WFDC10B: variants seen among roughly 807,000 people sequenced by gnomAD.
The protein encoded by WFDC10B is WAP four-disulfide core domain 10B.
WFDC10B carries 1 observed loss-of-function variant against 2.7 expected under a neutral mutation model. That is an observed-to-expected ratio of 0.38 (90% CI 0.13 to 1.79). WFDC10B has a LOEUF of 1.79. WFDC10B is among the 40% of genes most tolerant of loss of function. The pLI is 0.33. For synonymous variants in WFDC10B, 26 were observed against 32.2 expected, an observed-to-expected ratio of 0.81 and a Z score of 0.65; for missense variants, 71 against 87.8, an observed-to-expected ratio of 0.81 and a Z score of 0.76.
intron 2 of WFDC10B, among the ~76,000 whole-genome samples, chr20:45,701,395 T>G (rs1006463965): frequency 9.2e-5 from 14 of 152,202 alleles, no homozygotes; most frequent in Non-Finnish European, 1.9e-4. Context: ...GAAAGTTAAC[T>G]TCTCTACATT....
At chr20:45,702,181 G>A (rs1490403647) in intron 2 of WFDC10B, 3 of 1,613,172 alleles carry the variant, frequency 1.9e-6, no homozygotes, top group Middle Eastern at 1.6e-4. Context: ...ACTGCAGCTG[G>A]TGCCTGGGAG....
intron 2 of WFDC10B, among the ~76,000 whole-genome samples, chr20:45,686,771 G>T (rs972336630): frequency 6.6e-6 from 1 of 151,214 alleles, no homozygotes; most frequent in Non-Finnish European, 1.5e-5. Context: ...CAAGCAATTC[G>T]CACCTCAGCC....
At chr20:45,703,588 G>A (rs1038048125) in intron 2 of WFDC10B, among the ~76,000 whole-genome samples, 2 of 152,136 alleles carry the variant, frequency 1.3e-5, no homozygotes, top group African/African-American at 4.8e-5. Flanking sequence ...ACCTGGAAGG[G>A]CTTGGGGAAA....
Position 45,685,953 on chromosome 20 carries a change from C to T in WFDC10B, c.40G>A (p.Val14Met). 1 of 1,614,182 alleles carries T rather than the reference C, an allele frequency of 6.2e-7. No individual in the cohort carries two copies. The highest frequency in any genetic ancestry group is 8.5e-7 in the Non-Finnish European group (1 of 1,180,034). The change falls in exon 3 of 4, where the codon GTG becomes ATG. Residue 14 changes from valine (V) to methionine (M), a missense_variant. Coordinates refer to ENST00000330523, the MANE Select transcript of WFDC10B (RefSeq NM_172006.2). The stretch of plus-strand genomic sequence containing the variant: ...CCTCCCTGGGCCTGCAGCAGCAGCA[C>T]ACAGAGAACCAGGACAAGCAGCAGA... Reference protein sequence around the residue: ...QTLLLVLVLCVLLLQAQGGYR... With the variant: ...QTLLLVLVLCMLLLQAQGGYR...
chr20:45,687,502 A>T (rs1983659625), intron 2 of WFDC10B, among the ~76,000 whole-genome samples: 1 of 152,216 alleles, frequency 6.6e-6, no homozygotes, highest in Non-Finnish European at 1.5e-5. Flanking sequence ...TAACAGAATG[A>T]TTCCATTCCT....
chr20:45,687,197 G>C (rs963133930), intron 2 of WFDC10B, among the ~76,000 whole-genome samples: 1 of 152,044 alleles, frequency 6.6e-6, no homozygotes, highest in African/African-American at 2.4e-5. Flanking sequence ...ACCTCCCTGT[G>C]TCCATGTATT....
intron 2 of WFDC10B, among the ~76,000 whole-genome samples, chr20:45,696,090 T>C (rs890879232): frequency 1.7e-4 from 26 of 151,522 alleles, no homozygotes; most frequent in African/African-American, 6.1e-4. Flanking sequence ...ATCGAGACCA[T>C]CCTGGCTAAC....
At chr20:45,704,687 C>CA in intron 1 of WFDC10B, 126 bp from the exon 2 acceptor site, 6 of 1,333,344 alleles carry the variant, frequency 4.5e-6, no homozygotes, top group Non-Finnish European at 6.0e-6. Flanking sequence ...TGGATCTCTC[C>CA]TTTTTTTTTT....
intron 3 of WFDC10B, 87 bp from the exon 4 acceptor site, chr20:45,685,047 C>A: frequency 6.4e-7 from 1 of 1,553,392 alleles, no homozygotes; most frequent in South Asian, 1.2e-5. Flanking sequence ...GGCCCCAGAA[C>A]CAAGGCACCC....
At chr20:45,701,173 A>G (rs985851782) in intron 2 of WFDC10B, among the ~76,000 whole-genome samples, 4 of 152,174 alleles carry the variant, frequency 2.6e-5, no homozygotes, top group East Asian at 3.8e-4. Flanking sequence ...TCAAGCTTCA[A>G]TGAAATTGAT....
At chr20:45,685,745 G>C (rs1983590212) in intron 3 of WFDC10B, among the ~76,000 whole-genome samples, 157 bp downstream of exon 3, 1 of 152,210 alleles carries the variant, frequency 6.6e-6, no homozygotes. Flanking sequence ...AGGGGTTGGA[G>C]GGCCATGGTT....
chr20:45,699,158 C>A (rs1024538258), intron 2 of WFDC10B, among the ~76,000 whole-genome samples: 2 of 152,090 alleles, frequency 1.3e-5, no homozygotes, highest in Non-Finnish European at 2.9e-5. Context: ...GAAATTGGAA[C>A]CCTCGTGCAT....
rs538974856 is a variant in WFDC10B at position 45,690,931 on chromosome 20, G to C, written c.-64-4875C>G. Among the ~76,000 whole-genome samples the C allele has an allele frequency of 1.2e-3, 183 of 152,218 alleles. 1 individual carries two copies. The highest frequency in any genetic ancestry group is 3.8e-3 in the African/African-American group (159 of 41,524). ...TAGTTCTTTTAATTGTGATGTTAGG[G>C]TGTCAATTTTGGATCTTTCCTGCTT... On this transcript the variant is annotated intron_variant, in intron 2 of 3. Transcript: ENST00000330523.
chr20:45,696,285 CAAA>C (rs368423161), intron 2 of WFDC10B, among the ~76,000 whole-genome samples: 4 of 48,204 alleles, frequency 8.3e-5, no homozygotes, highest in East Asian at 6.4e-4. Flanking sequence ...GACTCCGTCT[CAAA>C]AAAAAAAAAA....
intron 2 of WFDC10B, among the ~76,000 whole-genome samples, chr20:45,703,997 C>T (rs1343595161): frequency 6.6e-6 from 1 of 152,176 alleles, no homozygotes; most frequent in Admixed American, 6.5e-5. Flanking sequence ...TCTTCCTGTA[C>T]ACAAATAACC....
At chr20:45,697,934 G>A (rs1984030034) in intron 2 of WFDC10B, among the ~76,000 whole-genome samples, 1 of 151,322 alleles carries the variant, frequency 6.6e-6, no homozygotes, top group South Asian at 2.1e-4. Context: ...AGTAGAGATG[G>A]GGTTTCACTA....
chr20:45,702,242 AG>A (rs1984194350), intron 2 of WFDC10B: 1 of 1,595,072 alleles, frequency 6.3e-7, no homozygotes, highest in Admixed American at 1.7e-5. Context: ...CAAGGAGGGA[AG>A]TAACATGTGT....
chr20:45,692,864 C>G (rs1333937632), intron 2 of WFDC10B, among the ~76,000 whole-genome samples: 1 of 152,194 alleles, frequency 6.6e-6, no homozygotes, highest in Non-Finnish European at 1.5e-5. Flanking sequence ...TGTTCCATTG[C>G]TGGTGAGGAA....
At chr20:45,697,228 A>T (rs1984003523) in intron 2 of WFDC10B, among the ~76,000 whole-genome samples, 1 of 152,228 alleles carries the variant, frequency 6.6e-6, no homozygotes, top group Non-Finnish European at 1.5e-5. Context: ...AAGGAAATTA[A>T]GGAAACAATT....
Sources: allele counts gnomAD v4.1 joint callset (sites outside exome capture counted in the v4.1 genomes callset), GRCh38; gene constraint gnomAD v4.1.1; transcripts MANE v1.5; gene names NCBI Gene and HGNC (gene_info 2026-07-23, HGNC 2026-07-21).